SHLD2: variants seen among roughly 807,000 people sequenced by gnomAD.
SHLD2 encodes the protein shieldin complex subunit 2, also known as RINN1-REV7-interacting novel NHEJ regulator 2.
A neutral mutation model predicts 73.2 loss-of-function variants in SHLD2; 30 were observed. The observed-to-expected ratio is 0.41, with a 90% CI of 0.31 to 0.56. The LOEUF (loss-of-function observed/expected upper bound fraction) is 0.56. Ranked by LOEUF, SHLD2 falls within the 20% of genes least tolerant of loss-of-function variation. The pLI, the probability that SHLD2 is intolerant of heterozygous loss-of-function variation, is 0.28. For synonymous variants in SHLD2, 285 were observed against 370.1 expected (o/e 0.77, Z 2.64); for missense variants, 745 against 1,055.9 (o/e 0.71, Z 4.08).
intron 2 of SHLD2, among the ~76,000 whole-genome samples, chr10:87,101,387 A>C (rs574592797): frequency 6.6e-6 from 1 of 152,320 alleles, no homozygotes; most frequent in South Asian, 2.1e-4. Context: ...CTTTTTGTTG[A>C]ATTTATTACT....
At chr10:87,101,000 G>A (rs1009594844) in intron 2 of SHLD2, among the ~76,000 whole-genome samples, 18 of 152,140 alleles carry the variant, frequency 1.2e-4, no homozygotes, top group African/African-American at 4.1e-4. Context: ...TCATTAACAT[G>A]GGATATCTTT....
chr10:87,160,861 C>T (rs1846758891), intron 4 of SHLD2, among the ~76,000 whole-genome samples: 1 of 151,946 alleles, frequency 6.6e-6, no homozygotes, highest in Middle Eastern at 3.4e-3. Flanking sequence ...TGTGGTGGTG[C>T]ATGCCTGTGG....
intron 2 of SHLD2, among the ~76,000 whole-genome samples, chr10:87,121,646 G>A (rs1208752380): frequency 6.6e-6 from 1 of 152,108 alleles, no homozygotes; most frequent in East Asian, 1.9e-4. Context: ...TCTACTCAAA[G>A]CCCGTTAAGA....
intron 2 of SHLD2, among the ~76,000 whole-genome samples, chr10:87,132,748 T>C (rs1844517814): frequency 6.6e-6 from 1 of 152,106 alleles, no homozygotes; most frequent in African/African-American, 2.4e-5. Context: ...CACTCCAGCC[T>C]GGGCAACAGG....
rs765413835 is a variant in SHLD2 at position 87,170,529 on chromosome 10, C to T, written c.1685C>T (p.Ser562Phe). 1 of 1,612,352 alleles carries T rather than the reference C, an allele frequency of 6.2e-7. No individual in the cohort carries two copies. The highest frequency in any genetic ancestry group is 1.1e-5 in the South Asian group (1 of 90,696). ...VVLQDLLAYV[S>F]SKHSYLRDLP... ...CTTCAAGACTTACTGGCATATGTGTCCTCAAAACATTCCTACCTCAGAGAT... is the reference window on the plus strand; with the variant it reads ...CTTCAAGACTTACTGGCATATGTGTTCTCAAAACATTCCTACCTCAGAGAT... The change falls in exon 5 of 10, where the codon TCC becomes TTC. Residue 562 changes from serine (S) to phenylalanine (F), a missense_variant. Physicochemically the swap from Ser to Phe is radical, Grantham distance 155. Around this residue, in one of 5 missense-constraint regions of SHLD2, gnomAD observed 418 missense variants for 567.8 expected, o/e 0.74. Transcript: ENST00000298786.
intron 2 of SHLD2, among the ~76,000 whole-genome samples, chr10:87,141,334 GGT>G (rs1845179688): frequency 1.4e-5 from 2 of 139,996 alleles, no homozygotes; most frequent in African/African-American, 5.3e-5. Flanking sequence ...TCTGGTGTTC[GGT>G]GTTTTTTTTT....
chr10:87,147,047 ACT>A (rs759926835), intron 2 of SHLD2, among the ~76,000 whole-genome samples: 19 of 140,036 alleles, frequency 1.4e-4, no homozygotes, highest in Non-Finnish European at 4.6e-5. Context: ...CAAAAGCGAG[ACT>A]CTGTCTCAAA....
At position 87,136,667 on chromosome 10, in the gene SHLD2, C is replaced by A. The variant is rs547132197; in HGVS notation, c.-5-14683C>A. ...TCACTACATGGATGATTCTAACTTCCTGCCCTTGCTTATCTAAAAACTCCT... is the reference window on the plus strand; with the variant it reads ...TCACTACATGGATGATTCTAACTTCATGCCCTTGCTTATCTAAAAACTCCT... On this transcript the variant is annotated intron_variant, in intron 2 of 9. Coordinates refer to ENST00000298786, the MANE Select transcript of SHLD2 (RefSeq NM_001330112.2). Among the ~76,000 whole-genome samples the A allele has an allele frequency of 2.9e-3, 437 of 151,966 alleles. 2 individuals carry two copies. The highest frequency in any genetic ancestry group is 4.6e-3 in the Admixed American group (70 of 15,264).
intron 2 of SHLD2, among the ~76,000 whole-genome samples, chr10:87,111,047 T>G (rs1161831344): frequency 6.6e-6 from 1 of 152,112 alleles, no homozygotes. Context: ...TTTCACCATA[T>G]TGGCCAGGCT....
chr10:87,120,829 G>A (rs1185536918), intron 2 of SHLD2, among the ~76,000 whole-genome samples: 6 of 151,972 alleles, frequency 3.9e-5, no homozygotes, highest in Middle Eastern at 3.4e-3. Flanking sequence ...CGAGGTGGGC[G>A]GATCACCTGA....
intron 9 of SHLD2, 62 bp from the exon 10 acceptor site, chr10:87,190,422 A>G (rs1380685031): frequency 6.9e-6 from 9 of 1,297,074 alleles, no homozygotes; most frequent in Non-Finnish European, 1.0e-5. Context: ...AAACCATTCA[A>G]TGTGTGTGCT....
At chr10:87,095,884 T>C (rs1448935497) in intron 1 of SHLD2, among the ~76,000 whole-genome samples, 1 of 152,048 alleles carries the variant, frequency 6.6e-6, no homozygotes, top group East Asian at 1.9e-4. Flanking sequence ...TGAGCTACGA[T>C]AGCTCCACTG....
At chr10:87,135,339 T>A (rs1368602629) in intron 2 of SHLD2, among the ~76,000 whole-genome samples, 1 of 152,172 alleles carries the variant, frequency 6.6e-6, no homozygotes, top group Non-Finnish European at 1.5e-5. Flanking sequence ...GACTTGAGCT[T>A]CTCATCTCTT....
intron 2 of SHLD2, among the ~76,000 whole-genome samples, chr10:87,147,820 T>C (rs1200945600): frequency 6.6e-6 from 1 of 152,032 alleles, no homozygotes; most frequent in African/African-American, 2.4e-5. Context: ...CAGGCTTCTC[T>C]CTTCTAGAGT....
intron 9 of SHLD2, among the ~76,000 whole-genome samples, chr10:87,189,351 C>T (rs1335597423): frequency 6.6e-6 from 1 of 152,180 alleles, no homozygotes; most frequent in African/African-American, 2.4e-5. Context: ...CTTAGAGAAG[C>T]ATCATTCTCA....
chr10:87,157,248 GAATCTA>G (rs2134384387), intron 3 of SHLD2, among the ~76,000 whole-genome samples: 1 of 152,280 alleles, frequency 6.6e-6, no homozygotes, highest in Non-Finnish European at 1.5e-5. Context: ...AAAGGGTCTG[GAATCTA>G]AATCTGTAAG....
At chr10:87,178,324 A>G (rs567866425) in intron 7 of SHLD2, among the ~76,000 whole-genome samples, 26 of 151,344 alleles carry the variant, frequency 1.7e-4, no homozygotes, top group African/African-American at 6.3e-4. Flanking sequence ...TACTCTGCCT[A>G]CTACAGGAGA....
intron 2 of SHLD2, among the ~76,000 whole-genome samples, chr10:87,134,265 T>A (rs3129445): frequency 6.6e-6 from 1 of 151,934 alleles, no homozygotes; most frequent in Non-Finnish European, 1.5e-5. Context: ...AAAACCCATC[T>A]AAGAGCTGAG....
In SHLD2 at chr10:87,146,190, C is replaced by T. The variant is rs115007582; in HGVS notation, c.-5-5160C>T. Among the ~76,000 whole-genome samples the T allele has an allele frequency of 7.4e-3, 1,130 of 152,262 alleles. 14 individuals are homozygous for T. The highest frequency in any genetic ancestry group is 0.025 in the African/African-American group (1,047 of 41,546). On this transcript the variant is annotated intron_variant, in intron 2 of 9. Transcript: ENST00000298786. ...ACACTTACAAGGGTATTTGTTTAGACGAAGCTTGTTCAACCCACAGCCTGT... is the reference window on the plus strand; with the variant it reads ...ACACTTACAAGGGTATTTGTTTAGATGAAGCTTGTTCAACCCACAGCCTGT...
Sources: allele counts gnomAD v4.1 joint callset (sites outside exome capture counted in the v4.1 genomes callset), GRCh38; gene constraint gnomAD v4.1.1; regional missense constraint gnomAD v4.1.1; transcripts MANE v1.5; gene names NCBI Gene and HGNC (gene_info 2026-07-23, HGNC 2026-07-21).